Variants in KIF6 observed in about 807,000 individuals in gnomAD.
KIF6 encodes the protein kinesin-like protein KIF6.
A neutral mutation model predicts 112.7 loss-of-function variants in KIF6; 106 were observed. The ratio of observed to expected loss-of-function variants is 0.94; its 90% CI spans 0.80 to 1.11. KIF6 has a LOEUF of 1.11. Among genes scored for constraint, KIF6 ranks in the 50% least tolerant of loss-of-function variants. The pLI is 0.00. For missense variants in KIF6, 929 were observed against 964.0 expected, an observed-to-expected ratio of 0.96 and a Z score of 0.48; for synonymous variants, 339 against 339.9, an observed-to-expected ratio of 1.00 and a Z score of 0.03.
chr6:39,348,787 G>A (rs1486899976), intron 19 of KIF6, among the ~76,000 whole-genome samples: 2 of 152,198 alleles, frequency 1.3e-5, no homozygotes, highest in Non-Finnish European at 2.9e-5. Flanking sequence ...AGAACCTGAT[G>A]AGCAGAAGAC....
chr6:39,340,285 A>G (rs986643001), intron 22 of KIF6, among the ~76,000 whole-genome samples: 11 of 152,248 alleles, frequency 7.2e-5, no homozygotes, highest in Admixed American at 2.0e-4. Flanking sequence ...AATTACTTCC[A>G]GGCTGCTGTT....
intron 5 of KIF6, among the ~76,000 whole-genome samples, chr6:39,625,507 G>A (rs1561875049): frequency 6.6e-6 from 1 of 152,092 alleles, no homozygotes; most frequent in Non-Finnish European, 1.5e-5. Flanking sequence ...CATCCTACAG[G>A]AAAGCACCCC....
intron 10 of KIF6, among the ~76,000 whole-genome samples, chr6:39,556,504 G>C (rs1035974153): frequency 2.0e-5 from 3 of 152,186 alleles, no homozygotes; most frequent in African/African-American, 7.2e-5. Flanking sequence ...GTGTAGTAGA[G>C]AGATAGCTAC....
chr6:39,697,458 C>A (rs1788609988), intron 3 of KIF6, among the ~76,000 whole-genome samples: 1 of 152,054 alleles, frequency 6.6e-6, no homozygotes, highest in Non-Finnish European at 1.5e-5. Flanking sequence ...CCAATAAATT[C>A]CCTTTTGCAG....
At chr6:39,338,215 C>G (rs1204724162) in intron 22 of KIF6, among the ~76,000 whole-genome samples, 1 of 152,198 alleles carries the variant, frequency 6.6e-6, no homozygotes, top group Admixed American at 6.5e-5. Context: ...TGAGGCTGCT[C>G]AGGGAACAGG....
At chr6:39,615,361 G>T (rs958577076) in intron 5 of KIF6, among the ~76,000 whole-genome samples, 1 of 152,164 alleles carries the variant, frequency 6.6e-6, no homozygotes, top group Non-Finnish European at 1.5e-5. Flanking sequence ...AGATGGGGTA[G>T]CAGCAAACAA....
At chr6:39,379,924 AG>A (rs1197684616) in intron 16 of KIF6, among the ~76,000 whole-genome samples, 1 of 152,244 alleles carries the variant, frequency 6.6e-6, no homozygotes, top group Non-Finnish European at 1.5e-5. Context: ...ATGTAAAGTG[AG>A]GATAATAGTA....
intron 3 of KIF6, among the ~76,000 whole-genome samples, chr6:39,700,040 G>A (rs771544501): frequency 1.3e-5 from 2 of 152,110 alleles, no homozygotes; most frequent in Non-Finnish European, 2.9e-5. Flanking sequence ...CATAGTAGGT[G>A]TAAATATTTA....
intron 19 of KIF6, among the ~76,000 whole-genome samples, chr6:39,347,321 C>T (rs961510084): frequency 6.6e-6 from 1 of 152,182 alleles, no homozygotes; most frequent in South Asian, 2.1e-4. Flanking sequence ...CACTGCCTGC[C>T]CCTGGGACCT....
At chr6:39,376,554 T>C (rs1307632551) in intron 16 of KIF6, among the ~76,000 whole-genome samples, 2 of 152,232 alleles carry the variant, frequency 1.3e-5, no homozygotes, top group African/African-American at 2.4e-5. Flanking sequence ...AAAAATGTGA[T>C]GCCTAAGTTT....
At chr6:39,694,854 G>C (rs1018969386) in intron 3 of KIF6, among the ~76,000 whole-genome samples, 2 of 151,806 alleles carry the variant, frequency 1.3e-5, no homozygotes, top group Admixed American at 1.3e-4. Flanking sequence ...AAAGCTCAAA[G>C]AGTCAAAACA....
intron 22 of KIF6, among the ~76,000 whole-genome samples, chr6:39,339,852 G>A (rs1455656625): frequency 1.3e-5 from 2 of 152,172 alleles, no homozygotes; most frequent in Admixed American, 6.5e-5. Context: ...AAGAGCTGGC[G>A]AGGCTTATGT....
At chr6:39,338,650 C>G (rs1371189154) in intron 22 of KIF6, among the ~76,000 whole-genome samples, 1 of 152,164 alleles carries the variant, frequency 6.6e-6, no homozygotes, top group African/African-American at 2.4e-5. Context: ...CAGACCACAG[C>G]CCAGAACCAT....
At chr6:39,447,003 T>C (rs771458935) in intron 13 of KIF6, among the ~76,000 whole-genome samples, 2 of 152,202 alleles carry the variant, frequency 1.3e-5, no homozygotes, top group Non-Finnish European at 2.9e-5. Flanking sequence ...TAAGTAATAA[T>C]GAGTCACCTA....
chr6:39,439,457 G>T (rs1771773743), intron 13 of KIF6, among the ~76,000 whole-genome samples: 2 of 152,318 alleles, frequency 1.3e-5, no homozygotes, highest in South Asian at 4.1e-4. Context: ...AAACCTAAAA[G>T]AGAGGAATTT....
chr6:39,409,921 A>G (rs1412450950), intron 15 of KIF6, among the ~76,000 whole-genome samples: 4 of 152,344 alleles, frequency 2.6e-5, no homozygotes, highest in African/African-American at 7.2e-5. Context: ...CCAGCTATAA[A>G]TGTTCATCCT....
chr6:39,337,155 T>TTTTCCTTCCTTCCTTCCTTTCTTTCTTTC (rs1554195029), intron 22 of KIF6, among the ~76,000 whole-genome samples: 2 of 53,698 alleles, frequency 3.7e-5, no homozygotes, highest in Admixed American at 1.7e-4. Flanking sequence ...TTTCTCTTTC[T>TTTTCCTTCCTTCCTTCCTTTCTTTCTTTC]TTTCTTTCTT....
At chr6:39,718,381 T>A (rs1789992063) in intron 2 of KIF6, 1 of 152,182 alleles carries the variant, frequency 6.6e-6, no homozygotes, top group African/African-American at 2.4e-5. Flanking sequence ...CTAGGCCAGC[T>A]GGTAACAAGT....
intron 13 of KIF6, among the ~76,000 whole-genome samples, chr6:39,535,199 T>C (rs1051410212): frequency 1.3e-5 from 2 of 152,180 alleles, no homozygotes; most frequent in African/African-American, 4.8e-5. Flanking sequence ...CAGGATCAAA[T>C]TCACACATAA....
Sources: allele counts gnomAD v4.1 joint callset (sites outside exome capture counted in the v4.1 genomes callset), GRCh38; gene constraint gnomAD v4.1.1; transcripts MANE v1.5; gene names NCBI Gene and HGNC (gene_info 2026-07-23, HGNC 2026-07-21).